The following SCAMP1 variants were observed in gnomAD, a reference collection of about 807,000 sequenced individuals.
SCAMP1 encodes the protein secretory carrier membrane protein 1.
Under a neutral mutation model 41.8 loss-of-function variants are expected in SCAMP1, and 15 were observed. That is an observed-to-expected ratio of 0.36 (90% CI 0.24 to 0.55). SCAMP1 has a LOEUF of 0.55. Ranked by LOEUF, SCAMP1 falls within the 20% of genes least tolerant of loss-of-function variation. The pLI is 0.86. For synonymous variants in SCAMP1, 135 were observed against 136.8 expected (o/e 0.99, Z 0.09); for missense variants, 341 against 412.6 (o/e 0.83, Z 1.50).
Position 78,475,523 on chromosome 5 carries a change from C to G in SCAMP1, c.872C>G (p.Thr291Arg). 6.2e-7 allele frequency: 1 copy of G among 1,609,320 alleles called. No individual in the cohort carries two copies. Among genetic ancestry groups the G allele is most frequent in the Non-Finnish European group, 8.5e-7 (1 of 1,178,398 alleles). ...MFKKVHGLYR[T>R]TGASFEKAQQ... Reference sequence around the variant, plus strand: ...CTGTAGGTACATGGACTATATCGCACAACAGGTGCTAGTTTTGAGAAGGCC... The same window carrying G: ...CTGTAGGTACATGGACTATATCGCAGAACAGGTGCTAGTTTTGAGAAGGCC... The change falls in exon 9 of 9, where the codon ACA (threonine) becomes AGA (arginine). Residue 291 changes from threonine (T) to arginine (R), a missense_variant. By Grantham distance (71) the Thr-to-Arg change is moderately conservative. Coordinates refer to ENST00000621999, the MANE Select transcript of SCAMP1 (RefSeq NM_004866.6).
At chr5:78,376,923 T>C (rs368943054) in intron 1 of SCAMP1, among the ~76,000 whole-genome samples, 3 of 152,242 alleles carry the variant, frequency 2.0e-5, no homozygotes, top group Non-Finnish European at 4.4e-5. Flanking sequence ...GTTGAACATA[T>C]GAGAGAAAAG....
Position 78,360,627 on chromosome 5 carries a change from T to C in SCAMP1, c.-45T>C. 2 of 1,577,906 alleles carry C rather than the reference T, an allele frequency of 1.3e-6. No individual in the cohort carries two copies. Among genetic ancestry groups the C allele is most frequent in the African/African-American group, 1.4e-5 (1 of 73,326 alleles). ...GGGGGCGGCGGCCTCGCCTCGTCTCTCTCTCTGCGCCTGGGTCGGGTGGGT... is the reference window on the plus strand; with the variant it reads ...GGGGGCGGCGGCCTCGCCTCGTCTCCCTCTCTGCGCCTGGGTCGGGTGGGT... On this transcript the variant is annotated 5_prime_UTR_variant, in exon 1 of 9. Coordinates refer to ENST00000621999, the MANE Select transcript of SCAMP1 (RefSeq NM_004866.6).
At chr5:78,426,162 A>G (rs1382078718) in intron 6 of SCAMP1, among the ~76,000 whole-genome samples, 1 of 152,158 alleles carries the variant, frequency 6.6e-6, no homozygotes, top group Non-Finnish European at 1.5e-5. Flanking sequence ...TCCATGGTGT[A>G]TATGTGCCAC....
intron 2 of SCAMP1, among the ~76,000 whole-genome samples, chr5:78,400,893 A>G (rs1751782492): frequency 6.6e-6 from 1 of 152,128 alleles, no homozygotes; most frequent in African/African-American, 2.4e-5. Context: ...AGGAGTGGTG[A>G]GAGGGGACAT....
chr5:78,362,400 G>C (rs1261018515), intron 1 of SCAMP1, among the ~76,000 whole-genome samples: 1 of 152,138 alleles, frequency 6.6e-6, no homozygotes, highest in Admixed American at 6.5e-5. Flanking sequence ...CTTCATCTTA[G>C]CCCAGACTGT....
In SCAMP1 at chr5:78,480,261, G is replaced by A. The variant is rs566510587; in HGVS notation, c.*4593G>A. Among the ~76,000 whole-genome samples, 148 of 152,230 alleles carry A rather than the reference G, an allele frequency of 9.7e-4. No homozygotes were observed. Among genetic ancestry groups the A allele is most frequent in the African/African-American group, 3.5e-3 (145 of 41,534 alleles). On this transcript the variant is annotated 3_prime_UTR_variant, in exon 9 of 9. Coordinates refer to ENST00000621999, the MANE Select transcript of SCAMP1 (RefSeq NM_004866.6). The stretch of plus-strand genomic sequence containing the variant: ...AGCCATTTAATCTTTTCTGTAATAG[G>A]AGCAGAAAATAGTTAATCATCCACC...
intron 1 of SCAMP1, among the ~76,000 whole-genome samples, chr5:78,374,794 A>C (rs994390367): frequency 6.6e-6 from 1 of 152,224 alleles, no homozygotes; most frequent in Middle Eastern, 3.4e-3. Flanking sequence ...GTCTATAAAC[A>C]TAAGTGAGTT....
At chr5:78,427,951 T>A (rs1199444328) in intron 6 of SCAMP1, among the ~76,000 whole-genome samples, 2 of 152,192 alleles carry the variant, frequency 1.3e-5, no homozygotes, top group Admixed American at 6.5e-5. Context: ...GAGATATAAG[T>A]TGTTTTGTTT....
At chr5:78,362,251 T>C (rs556865811) in intron 1 of SCAMP1, among the ~76,000 whole-genome samples, 7 of 152,396 alleles carry the variant, frequency 4.6e-5, no homozygotes, top group South Asian at 2.1e-4. Flanking sequence ...CAAGAACCTT[T>C]TAGCCTTTCC....
chr5:78,430,610 A>G (rs1752597184), intron 6 of SCAMP1, among the ~76,000 whole-genome samples: 1 of 151,980 alleles, frequency 6.6e-6, no homozygotes, highest in African/African-American at 2.4e-5. Flanking sequence ...TTACGTTTAT[A>G]TATAAATATA....
chr5:78,395,273 G>A (rs1189085516), intron 2 of SCAMP1, among the ~76,000 whole-genome samples: 2 of 152,032 alleles, frequency 1.3e-5, no homozygotes, highest in Non-Finnish European at 2.9e-5. Context: ...ATCTTCTAAT[G>A]TGCCATTTGC....
intron 8 of SCAMP1, among the ~76,000 whole-genome samples, chr5:78,473,691 A>T (rs1026494228): frequency 2.6e-5 from 4 of 152,034 alleles, no homozygotes; most frequent in Non-Finnish European, 5.9e-5. Flanking sequence ...TGTATACCCA[A>T]TGTTTAGCTC....
chr5:78,461,285 C>T (rs1256733554), intron 8 of SCAMP1, among the ~76,000 whole-genome samples: 3 of 152,154 alleles, frequency 2.0e-5, no homozygotes, highest in Admixed American at 1.3e-4. Context: ...CCTAGATTTT[C>T]TTCTAGGATT....
intron 8 of SCAMP1, among the ~76,000 whole-genome samples, chr5:78,462,763 T>C (rs1408258146): frequency 6.6e-6 from 1 of 152,226 alleles, no homozygotes; most frequent in Non-Finnish European, 1.5e-5. Context: ...AATCATTACA[T>C]AGAGGAAGGT....
Position 78,410,277 on chromosome 5 carries a change from C to T in SCAMP1, c.136-5243C>T, listed in dbSNP as rs115162973. ...CACTAACTATTCTTCCTGATGCTCT[C>T]CCTTTGCCCACCCCTAATCCCCATC... On this transcript the variant is annotated intron_variant, in intron 2 of 8. Coordinates refer to ENST00000621999, the MANE Select transcript of SCAMP1 (RefSeq NM_004866.6). Among the ~76,000 whole-genome samples, 832 of 152,130 alleles carry T rather than the reference C, an allele frequency of 5.5e-3. 10 individuals are homozygous for T. The highest frequency in any genetic ancestry group is 0.019 in the African/African-American group (789 of 41,496).
At chr5:78,452,523 A>AT (rs1354692592) in intron 7 of SCAMP1, among the ~76,000 whole-genome samples, 19 of 132,134 alleles carry the variant, frequency 1.4e-4, no homozygotes, top group African/African-American at 5.5e-4. Flanking sequence ...TGAACTCATC[A>AT]TTTTTTATGG....
intron 1 of SCAMP1, among the ~76,000 whole-genome samples, chr5:78,381,317 G>A (rs1008979714): frequency 2.0e-5 from 3 of 152,156 alleles, no homozygotes; most frequent in Non-Finnish European, 1.5e-5. Flanking sequence ...GGCTGACCCT[G>A]CTGGGAAAAC....
In SCAMP1 at chr5:78,360,725, C is replaced by G; in HGVS notation, c.54C>G (p.Phe18Leu). 6.2e-7 allele frequency: 1 copy of G among 1,608,252 alleles called. No individual in the cohort carries two copies. The highest frequency in any genetic ancestry group is 1.1e-5 in the South Asian group (1 of 89,800). ...CCGACCCGGATCTCAACAATCCCTT[C>G]AAGGTGAGCTTCGGCCCCAGCATCT... is the stretch of plus-strand genomic sequence containing the variant. ...PFADPDLNNP[F>L]KDPSVTQVTR... is the part of the protein sequence containing the mutation. Residue 18 changes from phenylalanine to leucine, a missense_variant, in exon 1 of 9, where the codon TTC becomes TTG. Phe to Leu is a conservative substitution (Grantham distance 22). Coordinates refer to ENST00000621999, the MANE Select transcript of SCAMP1 (RefSeq NM_004866.6).
At chr5:78,459,392 T>C in intron 8 of SCAMP1, 30 bp downstream of exon 8, 1 of 1,071,042 alleles carries the variant, frequency 9.3e-7, no homozygotes, top group Non-Finnish European at 1.4e-6. Context: ...TAAATTTTTA[T>C]AGTGAACGTG....
Sources: gnomAD v4.1 joint callset for allele counts (sites outside exome capture counted in the v4.1 genomes callset) on GRCh38, gnomAD v4.1.1 for gene constraint, MANE v1.5 for transcripts, NCBI Gene and HGNC (gene_info 2026-07-23, HGNC 2026-07-21) for gene names.